PHF24: variants seen among roughly 807,000 people sequenced by gnomAD.
The protein encoded by PHF24 is Galpha inhibitory interacting protein.
Under a neutral mutation model 42.6 loss-of-function variants are expected in PHF24, and 25 were observed. The observed-to-expected ratio is 0.59, with a 90% confidence interval of 0.43 to 0.82. PHF24 has a LOEUF of 0.82. PHF24 is among the 40% of genes least tolerant of loss of function. The pLI, the probability that PHF24 is intolerant of heterozygous loss-of-function variation, is 0.00. For synonymous variants in PHF24, 185 were observed against 204.8 expected (o/e 0.90, Z 0.83); for missense variants, 470 against 538.1 (o/e 0.87, Z 1.25).
chr9:34,971,569 G>A, exon 2 of PHF24: 1 of 1,614,094 alleles, frequency 6.2e-7, no homozygotes, highest in East Asian at 2.2e-5. Flanking sequence ...CGTGGAGCCT[G>A]AGGAGTTTGA....
chr9:34,890,317 A>G, the PHF24 span, among the ~76,000 whole-genome samples: 13 of 152,200 alleles, frequency 8.5e-5, no homozygotes, highest in Admixed American at 5.9e-4. Flanking sequence ...ATCAAATGTC[A>G]CTGGGTCAAC....
chr9:34,935,744 G>T, the PHF24 span, among the ~76,000 whole-genome samples: 40,662 of 149,932 alleles, frequency 0.27, 5,621 homozygotes, highest in South Asian at 0.34. Flanking sequence ...GTGGGGGGGG[G>T]GTGTGTGTGT....
chr9:34,674,941 A>T, the PHF24 span, among the ~76,000 whole-genome samples: 1 of 152,100 alleles, frequency 6.6e-6, no homozygotes, highest in Admixed American at 6.5e-5. Context: ...ATCTCGGCTC[A>T]CTGTAACCAC....
the PHF24 span, among the ~76,000 whole-genome samples, chr9:34,812,572 C>T: frequency 6.6e-6 from 1 of 152,174 alleles, no homozygotes; most frequent in Non-Finnish European, 1.5e-5. Flanking sequence ...CCCTGCTAAA[C>T]CCAACTCACC....
At chr9:34,702,731 G>A in the PHF24 span, among the ~76,000 whole-genome samples, 2 of 152,156 alleles carry the variant, frequency 1.3e-5, no homozygotes, top group Non-Finnish European at 2.9e-5. Flanking sequence ...GACCCCTTGA[G>A]GCCAAGAGTT....
At chr9:34,769,137 G>A in the PHF24 span, among the ~76,000 whole-genome samples, 2 of 151,936 alleles carry the variant, frequency 1.3e-5, no homozygotes, top group Non-Finnish European at 2.9e-5. Context: ...TTTTTTTGGA[G>A]ACAGAATCTT....
intron 2 of PHF24, 126 bp from the exon 3 acceptor site, chr9:34,972,220 T>C (rs1827017322): frequency 1.3e-6 from 1 of 798,190 alleles, no homozygotes; most frequent in Admixed American, 2.6e-5. Flanking sequence ...TGGCTTCAGT[T>C]GGGGCTGTTC....
the PHF24 span, among the ~76,000 whole-genome samples, chr9:34,934,955 C>G: frequency 1.3e-5 from 2 of 152,022 alleles, no homozygotes; most frequent in Non-Finnish European, 2.9e-5. Flanking sequence ...ACTCTCTGAC[C>G]CTTTGTAGCA....
the PHF24 span, among the ~76,000 whole-genome samples, chr9:34,804,552 C>T: frequency 6.6e-6 from 1 of 152,202 alleles, no homozygotes; most frequent in South Asian, 2.1e-4. Context: ...CTGTTTTTAT[C>T]TACATTATTT....
chr9:34,690,424 CTGTG>C, the PHF24 span: 39,579 of 604,198 alleles, frequency 0.066, 510 homozygotes, highest in African/African-American at 0.11. Flanking sequence ...TTGAGGACAC[CTGTG>C]TGTGTGTGTG....
chr9:34,719,904 C>T, the PHF24 span, among the ~76,000 whole-genome samples: 2 of 152,366 alleles, frequency 1.3e-5, no homozygotes, highest in African/African-American at 2.4e-5. Flanking sequence ...CCTTGTGCCT[C>T]TCTGCCCTGG....
At chr9:34,682,945 T>C in the PHF24 span, among the ~76,000 whole-genome samples, 1 of 152,088 alleles carries the variant, frequency 6.6e-6, no homozygotes, top group Non-Finnish European at 1.5e-5. Context: ...CTTGGGGCAA[T>C]AGTACAAATG....
At chr9:34,912,466 G>A in the PHF24 span, among the ~76,000 whole-genome samples, 1 of 152,130 alleles carries the variant, frequency 6.6e-6, no homozygotes, top group Admixed American at 6.6e-5. Flanking sequence ...CAACTTCCAT[G>A]TGCATTGTCA....
At chr9:34,749,617 T>A in the PHF24 span, among the ~76,000 whole-genome samples, 1 of 150,462 alleles carries the variant, frequency 6.6e-6, no homozygotes, top group Admixed American at 6.6e-5. Context: ...TTTTTTTTTT[T>A]AATTTTACTT....
At chr9:34,788,048 G>A in the PHF24 span, among the ~76,000 whole-genome samples, 1 of 151,884 alleles carries the variant, frequency 6.6e-6, no homozygotes, top group African/African-American at 2.4e-5. Flanking sequence ...GTTTTGTTTT[G>A]TTTTTTTGAG....
the PHF24 span, among the ~76,000 whole-genome samples, chr9:34,808,086 A>C: frequency 2.6e-5 from 4 of 152,224 alleles, no homozygotes; most frequent in African/African-American, 7.2e-5. Flanking sequence ...TCCTGGAGGC[A>C]GTACAGTCAA....
the PHF24 span, among the ~76,000 whole-genome samples, chr9:34,701,960 C>G: frequency 1.3e-5 from 2 of 152,184 alleles, no homozygotes; most frequent in Non-Finnish European, 1.5e-5. The surrounding 1 kb of genome is among the most constrained non-coding windows in gnomAD (Gnocchi z 5.8). Context: ...AAGGAGGGTT[C>G]ACATCACCTC....
rs1210981726 is a variant in PHF24, at chr9:34,958,373, G to A, written c.-33G>A. ...GCGGTGTGTAGAGTCCGCCGCCCCGGAGCCGCGTCCCGCACCCGGACGGTC... is the reference window on the plus strand; with the variant it reads ...GCGGTGTGTAGAGTCCGCCGCCCCGAAGCCGCGTCCCGCACCCGGACGGTC... On this transcript the variant is annotated 5_prime_UTR_variant, in exon 1 of 8. Coordinates refer to ENST00000242315, the Ensembl canonical transcript of PHF24. This position sits in a 1 kb window ranked among gnomAD's most constrained non-coding sequence, Gnocchi z 4.5. 3.9e-5 allele frequency: 6 copies of A among 152,214 alleles called. No homozygotes were observed. Among genetic ancestry groups the A allele is most frequent in the African/African-American group, 1.5e-4 (6 of 41,362 alleles). 9.4% of individuals were successfully genotyped at this position (152,214 alleles called of 1,614,324 possible).
At chr9:34,865,479 G>A in the PHF24 span, among the ~76,000 whole-genome samples, 8 of 151,664 alleles carry the variant, frequency 5.3e-5, no homozygotes, top group African/African-American at 7.3e-5. Flanking sequence ...CAGGAGAATC[G>A]CTTAAATCCA....
Sources: gnomAD v4.1 joint callset for allele counts (sites outside exome capture counted in the v4.1 genomes callset) on GRCh38, gnomAD v4.1.1 for gene constraint, Gnocchi (gnomAD v3.1) non-coding constraint, MANE v1.5 for transcripts, NCBI Gene and HGNC (gene_info 2026-07-23, HGNC 2026-07-21) for gene names.